MYH14: variants seen among roughly 807,000 people sequenced by gnomAD.
MYH14 encodes myosin-14.
A neutral mutation model predicts 255.5 loss-of-function variants in MYH14; 123 were observed. The observed-to-expected ratio is 0.48, with a 90% CI of 0.42 to 0.56. MYH14 has a LOEUF of 0.56. Ranked by LOEUF, MYH14 falls within the 20% of genes least tolerant of loss-of-function variation. The pLI is 0.00. For synonymous variants in MYH14, 1,095 were observed against 1,161.2 expected, an observed-to-expected ratio of 0.94 and a Z score of 1.16; for missense variants, 2,423 against 2,802.3, an observed-to-expected ratio of 0.86 and a Z score of 3.06.
At position 50,250,282 on chromosome 19, in the gene MYH14, A is replaced by T. The variant is rs1344409991; in HGVS notation, c.1657-233A>T. Among the ~76,000 whole-genome samples, 1 of 152,032 alleles carries T rather than the reference A, an allele frequency of 6.6e-6. No homozygotes were observed. Among genetic ancestry groups the T allele is most frequent in the African/African-American group, 2.4e-5 (1 of 41,404 alleles). ...CGCCCGGCTAATTTTTTGTATTTTT[A>T]GTAGAGTCGGGGGTTTCACTGTGTT... is the stretch of plus-strand genomic sequence containing the variant. On this transcript the variant is annotated intron_variant, in intron 14 of 42. Transcript: ENST00000642316. The surrounding 1 kb of genome is among the most constrained non-coding windows in gnomAD (Gnocchi z 5.4).
At position 50,286,706 on chromosome 19, in the gene MYH14, C is replaced by G; in HGVS notation, c.4752+12C>G. The G allele has an allele frequency of 6.4e-7, 1 of 1,558,626 alleles. No individual in the cohort carries two copies. The highest frequency in any genetic ancestry group is 2.4e-5 in the East Asian group (1 of 41,658). ...ACGTCGGCAAGAGCGTGAGCAGGGC[C>G]CCCGCTCCCCGGGACACACTGGGTG... On this transcript the variant is annotated intron_variant, in intron 34 of 42. Transcript: ENST00000642316.
At chr19:50,254,857 C>A (rs2034534839) in intron 16 of MYH14, among the ~76,000 whole-genome samples, 1 of 152,218 alleles carries the variant, frequency 6.6e-6, no homozygotes, top group South Asian at 2.1e-4. Flanking sequence ...GCAAAAACAA[C>A]AAGTGGCCTG....
intron 18 of MYH14, 79 bp from the exon 19 acceptor site, chr19:50,259,065 C>G: frequency 6.7e-7 from 1 of 1,496,018 alleles, no homozygotes. Context: ...CATGTGGAAA[C>G]AGGAAATTGC....
At chr19:50,301,909 A>G in intron 40 of MYH14, 40 bp downstream of exon 40, 1 of 1,517,536 alleles carries the variant, frequency 6.6e-7, no homozygotes, top group Non-Finnish European at 9.0e-7. Flanking sequence ...GGTGACCTCC[A>G]CATTCTGGTT....
At chr19:50,248,018 C>T (rs1405612129) in intron 12 of MYH14, among the ~76,000 whole-genome samples, 1 of 150,340 alleles carries the variant, frequency 6.7e-6, no homozygotes, top group East Asian at 2.0e-4. Context: ...TGAGAGCACG[C>T]CACTGCACTT....
At position 50,261,572 on chromosome 19, in the gene MYH14, A is replaced by T. The variant is rs1464233223; in HGVS notation, c.2522A>T (p.Asp841Val). Residue 841 changes from aspartate (D) to valine (V), a missense_variant, in exon 21 of 43, where the codon GAC (aspartate) becomes GTC (valine). Transcript: ENST00000642316. ...GVLAQLEEER[D>V]LKVTDIIVSF... The stretch of plus-strand genomic sequence containing the variant: ...CTGGCCCAGCTGGAAGAGGAGCGAG[A>T]CCTGAAGGTCACCGACATCATCGTC... The T allele has an allele frequency of 1.2e-6, 2 of 1,602,394 alleles. No homozygotes were observed. The highest frequency in any genetic ancestry group is 1.7e-6 in the Non-Finnish European group (2 of 1,176,172).
intron 2 of MYH14, 102 bp downstream of exon 2, chr19:50,210,872 C>T: frequency 6.7e-7 from 1 of 1,487,178 alleles, no homozygotes; most frequent in East Asian, 2.5e-5. Flanking sequence ...GGCTGTTTAT[C>T]ATCTGTATCC....
At chr19:50,282,053 T>C (rs1231294069) in intron 33 of MYH14, among the ~76,000 whole-genome samples, 2 of 152,222 alleles carry the variant, frequency 1.3e-5, no homozygotes, top group Admixed American at 6.5e-5. Flanking sequence ...TAATTCCTCG[T>C]AGCACCCACT....
chr19:50,304,584 C>T (rs1001670298), intron 40 of MYH14, among the ~76,000 whole-genome samples: 10 of 152,030 alleles, frequency 6.6e-5, no homozygotes, highest in African/African-American at 1.7e-4. Context: ...AGCAAGACTC[C>T]GACTCCAAAA....
chr19:50,252,541 A>G lies in MYH14; in HGVS notation c.1831-98A>G, dbSNP rs113658679. ...TGCTCGCTTGTCCATGGTGAGCTCC[A>G]GACCTGGGAGTCTCAGAGCTTCTGG... On this transcript the variant is annotated intron_variant, in intron 15 of 42. Coordinates refer to ENST00000642316, the MANE Select transcript of MYH14 (RefSeq NM_001145809.2). This position sits in a 1 kb window ranked among gnomAD's most constrained non-coding sequence, Gnocchi z 4.2. 4 of 821,996 alleles carry G rather than the reference A, an allele frequency of 4.9e-6. No individual in the cohort carries two copies. The South Asian group carries it at 5.8e-5, about 12-fold the overall frequency. The allele number at this position is 821,996 out of a possible 1,614,324, so 50.9% of individuals were successfully genotyped here. A position where few individuals can be genotyped will look rare whatever the true frequency, so the allele number is the denominator to read the frequency against.
Position 50,252,824 on chromosome 19 carries a change from A to T in MYH14, c.1945+71A>T. ...CATTCTCCAAATCCACAGCGTGAGCACCTTTGTTTCAGAGGCGGAGGTCTG... is the reference window on the plus strand; with the variant it reads ...CATTCTCCAAATCCACAGCGTGAGCTCCTTTGTTTCAGAGGCGGAGGTCTG... On this transcript the variant is annotated intron_variant, in intron 16 of 42. Transcript: ENST00000642316. This position sits in a 1 kb window ranked among gnomAD's most constrained non-coding sequence, Gnocchi z 4.2. 1.8e-6 allele frequency: 2 copies of T among 1,139,610 alleles called. No homozygotes were observed. The highest frequency in any genetic ancestry group is 2.5e-6 in the Non-Finnish European group (2 of 789,204). 70.6% of individuals were successfully genotyped at this position (1,139,610 alleles called of 1,614,324 possible).
rs1371881439 is a variant in MYH14 at position 50,230,603 on chromosome 19, G to C, written c.953G>C (p.Gly318Ala). 1 of 1,565,244 alleles carries C rather than the reference G, an allele frequency of 6.4e-7. No homozygotes were observed. The highest frequency in any genetic ancestry group is 2.4e-5 in the East Asian group (1 of 42,006). ...CACATCTTCTACCAGCTGCTGGGGG[G>C]CGCTGGAGAGCAGCTCAAAGGTCAG... The part of the protein sequence containing the change: ...SFHIFYQLLG[G>A]AGEQLKADLL... Residue 318 changes from glycine to alanine, a missense_variant, in exon 9 of 43, where the codon GGC becomes GCC. Transcript: ENST00000642316. This position sits in a 1 kb window ranked among gnomAD's most constrained non-coding sequence, Gnocchi z 4.7.
intron 39 of MYH14, among the ~76,000 whole-genome samples, chr19:50,294,450 T>C (rs1316614589): frequency 6.7e-6 from 1 of 149,236 alleles, no homozygotes; most frequent in African/African-American, 2.5e-5. Context: ...TTTTTTTTTT[T>C]TTGAGGTGGA....
intron 10 of MYH14, among the ~76,000 whole-genome samples, chr19:50,239,557 C>CTTT (rs1468507148): frequency 1.3e-5 from 2 of 151,708 alleles, no homozygotes; most frequent in African/African-American, 2.4e-5. Context: ...TTTTCTTTTT[C>CTTT]TTCTTTTTTT....
At chr19:50,219,054 C>CTCTCTA (rs1555754522) in intron 3 of MYH14, among the ~76,000 whole-genome samples, 11 of 140,324 alleles carry the variant, frequency 7.8e-5, no homozygotes, top group African/African-American at 2.8e-4. Flanking sequence ...CTCTCTCTCT[C>CTCTCTA]TATATATATA....
intron 5 of MYH14, 33 bp from the exon 6 acceptor site, chr19:50,224,121 T>TGGTCCGTGTCTCGTGTCCC: frequency 6.4e-7 from 1 of 1,560,400 alleles, no homozygotes; most frequent in East Asian, 2.4e-5. Context: ...TGCTGTGTCC[T>TGGTCCGTGTCTCGTGTCCC]GGTCCGTGTC....
intron 15 of MYH14, among the ~76,000 whole-genome samples, chr19:50,251,516 CACACT>C: frequency 4.9e-5 from 1 of 20,580 alleles, no homozygotes. Context: ...TATATATATA[CACACT>C]ACACACACAC....
At chr19:50,247,284 G>A (rs1027366914) in intron 12 of MYH14, among the ~76,000 whole-genome samples, 162 bp downstream of exon 12, 3 of 152,104 alleles carry the variant, frequency 2.0e-5, no homozygotes, top group South Asian at 2.1e-4. Context: ...AGCAGTCATC[G>A]AAACAAATAA....
At chr19:50,305,233 G>T (rs1237735218) in intron 40 of MYH14, among the ~76,000 whole-genome samples, 4 of 151,936 alleles carry the variant, frequency 2.6e-5, no homozygotes, top group Non-Finnish European at 4.4e-5. Flanking sequence ...TGGAATGATG[G>T]TCCAAGCAGA....
Sources: gnomAD v4.1 joint callset for allele counts (sites outside exome capture counted in the v4.1 genomes callset) on GRCh38, gnomAD v4.1.1 for gene constraint, Gnocchi (gnomAD v3.1) non-coding constraint, MANE v1.5 for transcripts, NCBI Gene and HGNC (gene_info 2026-07-23, HGNC 2026-07-21) for gene names.